Variants in PRELID2 observed in about 807,000 individuals in gnomAD.
The protein encoded by PRELID2 is PRELI domain containing 2.
Under a neutral mutation model 28.4 loss-of-function variants are expected in PRELID2, and 25 were observed. That is an observed-to-expected ratio of 0.88 (90% CI 0.64 to 1.23). PRELID2 has a LOEUF of 1.23. Among genes scored for constraint, PRELID2 ranks in the 50% most tolerant of loss-of-function variants. The pLI is 0.00. For synonymous variants in PRELID2, 76 were observed against 71.6 expected (o/e 1.06, Z -0.31); for missense variants, 201 against 214.4 (o/e 0.94, Z 0.39).
chr5:145,272,418 C>T, the PRELID2 span, among the ~76,000 whole-genome samples: 2 of 152,076 alleles, frequency 1.3e-5, no homozygotes, highest in African/African-American at 4.8e-5. Flanking sequence ...TCGGAGCACT[C>T]AATCTTGTAA....
intron 6 of PRELID2, among the ~76,000 whole-genome samples, chr5:145,762,553 A>G (rs1757526591): frequency 6.6e-6 from 1 of 152,078 alleles, no homozygotes; most frequent in Admixed American, 6.6e-5. Context: ...ATAAAACAAA[A>G]CAAAACACAG....
intron 1 of PRELID2, among the ~76,000 whole-genome samples, chr5:145,541,816 A>C (rs901901552): frequency 2.6e-5 from 4 of 152,006 alleles, no homozygotes; most frequent in Admixed American, 6.6e-5. Context: ...ATAATGGGCC[A>C]TTTCCATTTT....
At chr5:145,292,918 A>C in the PRELID2 span, among the ~76,000 whole-genome samples, 23 of 151,978 alleles carry the variant, frequency 1.5e-4, no homozygotes, top group East Asian at 2.5e-3. Context: ...ATGGGTTCTC[A>C]TTTTGTTGCC....
intron 1 of PRELID2, among the ~76,000 whole-genome samples, chr5:145,589,760 C>A (rs1753203123): frequency 6.6e-6 from 1 of 152,074 alleles, no homozygotes; most frequent in Admixed American, 6.6e-5. Context: ...TTAGAAAATT[C>A]TTTCCTACAC....
intron 5 of PRELID2, among the ~76,000 whole-genome samples, chr5:145,791,937 G>A (rs535742598): frequency 1.3e-5 from 2 of 152,212 alleles, no homozygotes; most frequent in East Asian, 1.9e-4. Flanking sequence ...CTGTAGTGTA[G>A]ACGACAGATG....
chr5:145,512,724 A>G (rs575356237), intron 1 of PRELID2, among the ~76,000 whole-genome samples: 1 of 152,318 alleles, frequency 6.6e-6, no homozygotes, highest in South Asian at 2.1e-4. Context: ...CCGACACCTC[A>G]TACAGAAGAG....
intron 1 of PRELID2, among the ~76,000 whole-genome samples, chr5:145,709,656 C>T (rs1443167729): frequency 1.3e-5 from 2 of 151,070 alleles, no homozygotes; most frequent in African/African-American, 4.9e-5. Flanking sequence ...TTAATAATAA[C>T]AAGACAGGAA....
rs746329749 is a variant in PRELID2, at chr5:145,765,031, C to A, written c.475-31G>T. 6.9e-6 allele frequency: 10 copies of A among 1,447,198 alleles called. No individual in the cohort carries two copies. In the East Asian group the frequency reaches 1.8e-4, roughly 27 times the overall value. 89.6% of individuals were successfully genotyped at this position (1,447,198 alleles called of 1,614,324 possible). On this transcript the variant is annotated intron_variant, in intron 5 of 6. Coordinates refer to ENST00000683046, the MANE Select transcript of PRELID2 (RefSeq NM_205846.3). The stretch of plus-strand genomic sequence containing the variant: ...GAAAGAAGGAAAAAAAATTAAAATG[C>A]CCTATTTCACAGACAAGTACTTTTA...
intron 1 of PRELID2, among the ~76,000 whole-genome samples, chr5:145,584,997 G>A (rs1753140415): frequency 6.6e-6 from 1 of 152,130 alleles, no homozygotes; most frequent in Non-Finnish European, 1.5e-5. Context: ...TATGTTCACT[G>A]CAGCACTATT....
the PRELID2 span, among the ~76,000 whole-genome samples, chr5:145,334,696 T>C: frequency 1.3e-5 from 2 of 152,090 alleles, no homozygotes; most frequent in East Asian, 3.9e-4. Context: ...CCTCAGCATT[T>C]CTTTTAGAGA....
chr5:145,273,876 G>C, the PRELID2 span, among the ~76,000 whole-genome samples: 1 of 152,072 alleles, frequency 6.6e-6, no homozygotes, highest in African/African-American at 2.4e-5. Flanking sequence ...AGTGGCCATA[G>C]GCATAGGCAA....
At chr5:145,312,485 G>T in the PRELID2 span, among the ~76,000 whole-genome samples, 1 of 152,128 alleles carries the variant, frequency 6.6e-6, no homozygotes, top group Non-Finnish European at 1.5e-5. Flanking sequence ...GATCCCTTCA[G>T]CCAACGTCTC....
the PRELID2 span, among the ~76,000 whole-genome samples, chr5:145,369,931 G>T: frequency 2.7e-5 from 4 of 149,682 alleles, no homozygotes; most frequent in Non-Finnish European, 5.9e-5. Context: ...AGAAGTATCT[G>T]TTCATATACT....
intron 5 of PRELID2, among the ~76,000 whole-genome samples, chr5:145,768,899 C>T (rs117839213): frequency 6.6e-6 from 1 of 151,480 alleles, no homozygotes; most frequent in Non-Finnish European, 1.5e-5. Context: ...TGGAGAATGG[C>T]GGCAGGGAGA....
At chr5:145,413,341 T>C in the PRELID2 span, among the ~76,000 whole-genome samples, 1 of 76,112 alleles carries the variant, frequency 1.3e-5, no homozygotes, top group Non-Finnish European at 3.0e-5. Context: ...TAATAGAAGT[T>C]GACATGAATG....
At chr5:145,415,828 T>C in the PRELID2 span, among the ~76,000 whole-genome samples, 31 of 152,006 alleles carry the variant, frequency 2.0e-4, no homozygotes, top group South Asian at 6.2e-3. Context: ...ATCGTATTTC[T>C]AGTTCTAGAT....
intron 5 of PRELID2, among the ~76,000 whole-genome samples, chr5:145,766,142 G>A (rs1310349166): frequency 6.6e-6 from 1 of 151,588 alleles, no homozygotes; most frequent in East Asian, 1.9e-4. Flanking sequence ...GGGTTATGAT[G>A]CAATTATAAA....
chr5:145,253,011 G>T, the PRELID2 span, among the ~76,000 whole-genome samples: 1 of 152,126 alleles, frequency 6.6e-6, no homozygotes, highest in Admixed American at 6.6e-5. Context: ...AAGATTGATA[G>T]AAATTATTAG....
the PRELID2 span, among the ~76,000 whole-genome samples, chr5:145,376,260 G>C: frequency 3.9e-4 from 59 of 152,264 alleles, 1 homozygote; most frequent in African/African-American, 1.3e-3. Flanking sequence ...GATCTTGATG[G>C]ATAAGCTCTT....
Sources: gnomAD v4.1 joint callset for allele counts (sites outside exome capture counted in the v4.1 genomes callset) on GRCh38, gnomAD v4.1.1 for gene constraint, MANE v1.5 for transcripts, NCBI Gene and HGNC (gene_info 2026-07-23, HGNC 2026-07-21) for gene names.